INTS1: variants seen among roughly 807,000 people sequenced by gnomAD.
The protein encoded by INTS1 is integrator complex subunit 1.
INTS1 carries 137 observed loss-of-function variants against 241.6 expected under a neutral mutation model. That is an observed-to-expected ratio of 0.57 (90% CI 0.49 to 0.65). The LOEUF is 0.65. INTS1 is among the 30% of genes least tolerant of loss of function. The pLI is 0.00. For synonymous variants in INTS1, 1,692 were observed against 1,337.8 expected (o/e 1.26, Z -5.78); for missense variants, 3,073 against 3,032.2 (o/e 1.01, Z -0.32).
rs138397380 is a variant in INTS1 at position 1,473,172 on chromosome 7, G to A, written c.5970C>T (p.Phe1990=). 9.9e-6 allele frequency: 16 copies of A among 1,610,736 alleles called. No homozygotes were observed. The highest frequency in any genetic ancestry group is 2.7e-5 in the African/African-American group (2 of 74,910). The change falls in exon 43 of 48, where the codon TTC becomes TTT. Residue 1990 remains phenylalanine, a synonymous_variant. Transcript: ENST00000404767. ...KHADPLHDLS[F]DNSDLVMLKS... is the part of the protein sequence containing the mutation. ...TCAGCATCACCAGGTCACTGTTGTCGAAGGACAGGTCGCTGGGGAGAGAAG... is the reference window on the plus strand; with the variant it reads ...TCAGCATCACCAGGTCACTGTTGTCAAAGGACAGGTCGCTGGGGAGAGAAG...
In INTS1 at chr7:1,493,045, G is replaced by A. The variant is rs371456297; in HGVS notation, c.2130C>T (p.Thr710=). Reference sequence around the variant, plus strand: ...GCTGGATGTTTTCAGGGTGATGGTAGGTGCACAGATTCAGAACGGCGTCGA... The same window carrying A: ...GCTGGATGTTTTCAGGGTGATGGTAAGTGCACAGATTCAGAACGGCGTCGA... ...QLIDAVLNLC[T]YHHPENIQLP... is the part of the protein sequence containing the mutation. Residue 710 remains threonine (T), a synonymous_variant, in exon 16 of 48, where the codon ACC becomes ACT. Coordinates refer to ENST00000404767, the MANE Select transcript of INTS1 (RefSeq NM_001080453.3). This position sits in a 1 kb window ranked among gnomAD's most constrained non-coding sequence, Gnocchi z 5.3. 41 of 1,613,556 alleles carry A rather than the reference G, an allele frequency of 2.5e-5. No individual in the cohort carries two copies. The highest frequency in any genetic ancestry group is 3.5e-5 in the Non-Finnish European group (41 of 1,179,614).
At position 1,483,746 on chromosome 7, in the gene INTS1, A is replaced by G; in HGVS notation, c.3537T>C (p.Pro1179=). ...CCGGGGCCTGTGGCGGCTCACCTCG[A>G]GGCGGGCCCAGCGTCAGCAGGATCA... The part of the protein sequence containing the change: ...AMVILLTLGP[P]RADDSEFQAL... The change falls in exon 26 of 48, where the codon CCT becomes CCC. Residue 1179 remains proline (P), a synonymous_variant. Transcript: ENST00000404767. 1 of 1,609,890 alleles carries G rather than the reference A, an allele frequency of 6.2e-7. No individual in the cohort carries two copies. The highest frequency in any genetic ancestry group is 8.5e-7 in the Non-Finnish European group (1 of 1,179,410).
intron 18 of INTS1, 130 bp downstream of exon 18, chr7:1,489,214 A>G (rs923826198): frequency 7.7e-6 from 1 of 130,570 alleles, no homozygotes; most frequent in Non-Finnish European, 1.1e-5. Flanking sequence ...GCTCAGGTCC[A>G]TGAGTCAACA....
In INTS1 at chr7:1,504,021, C is replaced by A. The variant is rs1277523800; in HGVS notation, c.-41-20G>T. 3.9e-6 allele frequency: 5 copies of A among 1,273,022 alleles called. No individual in the cohort carries two copies. The highest frequency in any genetic ancestry group is 5.5e-6 in the Non-Finnish European group (5 of 910,408). 78.9% of individuals were successfully genotyped at this position (1,273,022 alleles called of 1,614,324 possible). On this transcript the variant is annotated intron_variant, in intron 1 of 47. Coordinates refer to ENST00000404767, the MANE Select transcript of INTS1 (RefSeq NM_001080453.3). ...CGTCACCTGCGGAGGAGCCAGCGTGCGGTCATTCCTTCACTCATTCGCTCG... is the reference window on the plus strand; with the variant it reads ...CGTCACCTGCGGAGGAGCCAGCGTGAGGTCATTCCTTCACTCATTCGCTCG...
At chr7:1,487,165 C>CG in intron 20 of INTS1, 64 bp from the exon 21 acceptor site, 1 of 1,521,854 alleles carries the variant, frequency 6.6e-7, no homozygotes, top group South Asian at 1.2e-5. Flanking sequence ...GCCAGCCCCC[C>CG]GGGTGACCGC....
chr7:1,494,153 TACAC>T (rs1389569831), intron 14 of INTS1, among the ~76,000 whole-genome samples: 1 of 152,134 alleles, frequency 6.6e-6, no homozygotes, highest in Admixed American at 6.5e-5. Context: ...CCTTTGGGGA[TACAC>T]ACACAGTCAC....
At chr7:1,476,951 A>T in intron 35 of INTS1, 33 bp from the exon 36 acceptor site, 1 of 1,592,862 alleles carries the variant, frequency 6.3e-7, no homozygotes. Context: ...GGATGGCCTC[A>T]CCTGGGCCAA....
At position 1,481,304 on chromosome 7, in the gene INTS1, CGT is replaced by C. The variant is rs1369481288; in HGVS notation, c.3850+36_3850+37del. 1.1e-5 allele frequency: 17 copies of C among 1,610,516 alleles called. No individual in the cohort carries two copies. The highest frequency in any genetic ancestry group is 2.2e-5 in the East Asian group (1 of 44,836). On this transcript the variant is annotated intron_variant, in intron 28 of 47. Transcript: ENST00000404767. This position sits in a 1 kb window ranked among gnomAD's most constrained non-coding sequence, Gnocchi z 6.8. ...CCTGGCCGGGCTGGGGCTCGGTCAG[CGT>C]GTGTGAACCCACTCCGCAGGTCCCT...
intron 35 of INTS1, among the ~76,000 whole-genome samples, 190 bp from the exon 36 acceptor site, chr7:1,477,108 A>G (rs1251304938): frequency 6.6e-6 from 1 of 152,064 alleles, no homozygotes; most frequent in Non-Finnish European, 1.5e-5. Flanking sequence ...GCCCCTTCCC[A>G]CGGGAGCCAT....
Position 1,474,819 on chromosome 7 carries a change from C to G in INTS1, c.5522G>C (p.Arg1841Pro). ...GGTGTCCGCAAGGAGCGTGATGAAG[C>G]GGTGGATGAGTCCGTCCAGCTGCAG... ...SVCKLDGLIH[R>P]FITLLADTSD... The change falls in exon 40 of 48, where the codon CGC becomes CCC. Residue 1841 changes from arginine (R) to proline (P), a missense_variant. Coordinates refer to ENST00000404767, the MANE Select transcript of INTS1 (RefSeq NM_001080453.3). 1 of 1,590,308 alleles carries G rather than the reference C, an allele frequency of 6.3e-7. No individual in the cohort carries two copies. Among genetic ancestry groups the G allele is most frequent in the Non-Finnish European group, 8.5e-7 (1 of 1,170,928 alleles).
rs537151147 is a variant in INTS1 at position 1,480,829 on chromosome 7, C to A, written c.3949+6G>T. On this transcript the variant is annotated splice_donor_region_variant and intron_variant, in intron 29 of 47. Coordinates refer to ENST00000404767, the MANE Select transcript of INTS1 (RefSeq NM_001080453.3). ...TCTCTGTGCTGGCCCCACCCCTCCC[C>A]AGTACCTCGGCGGGGCGGCAGGGAG... 258 of 1,549,360 alleles carry A rather than the reference C, an allele frequency of 1.7e-4. No individual in the cohort carries two copies. Among genetic ancestry groups the A allele is most frequent in the Non-Finnish European group, 2.2e-4 (250 of 1,147,046 alleles).
In INTS1 at chr7:1,477,866, A is replaced by G. The variant is rs1037784030; in HGVS notation, c.4701T>C (p.Thr1567=). 1 of 1,612,612 alleles carries G rather than the reference A, an allele frequency of 6.2e-7. No individual in the cohort carries two copies. The highest frequency in any genetic ancestry group is 1.3e-5 in the African/African-American group (1 of 75,068). Residue 1567 remains threonine (T), a synonymous_variant, in exon 34 of 48, where the codon ACT becomes ACC. Coordinates refer to ENST00000404767, the MANE Select transcript of INTS1 (RefSeq NM_001080453.3). The part of the protein sequence containing the change: ...EELLTAFFSA[T]ADAASPFPAC... ...CTGGAAACGGGGAGGCAGCATCCGC[A>G]GTGGCAGAGAAGAATGCAGTCAGCA...
Position 1,471,600 on chromosome 7 carries a change from GC to G in INTS1, c.6225del (p.Arg2076GlyfsTer6), listed in dbSNP as rs1781471371. The G allele has an allele frequency of 6.2e-7, 1 of 1,612,212 alleles. No homozygotes were observed. The highest frequency in any genetic ancestry group is 1.3e-5 in the African/African-American group (1 of 74,896). On this transcript the variant is annotated frameshift_variant, in exon 45 of 48. Transcript: ENST00000404767. LOFTEE classifies it high-confidence loss of function. ...EVLSDIDEMSRRRPEILSFFS... is the reference protein window; with the variant it reads ...EVLSDIDEMSXRRPEILSFFS... The stretch of plus-strand genomic sequence containing the variant: ...AAGAAGCTCAGGATCTCGGGTCTCC[GC>G]CGGGACATCTCGTCTATGTCACTCA...
At position 1,470,339 on chromosome 7, in the gene INTS1, G is replaced by A. The variant is rs998120546; in HGVS notation, c.*238C>T. The stretch of plus-strand genomic sequence containing the variant: ...CATGCCCGGGGGGATCCGCCGCTCC[G>A]CGGCAGGGCTGTGGCCCAGAAGGTG... On this transcript the variant is annotated 3_prime_UTR_variant, in exon 48 of 48. Transcript: ENST00000404767. 6 of 471,124 alleles carry A rather than the reference G, an allele frequency of 1.3e-5. No homozygotes were observed. The highest frequency in any genetic ancestry group is 7.8e-5 in the South Asian group (2 of 25,512). 29.2% of individuals were successfully genotyped at this position (471,124 alleles called of 1,614,324 possible). A position where few individuals can be genotyped will look rare whatever the true frequency, so the allele number is the denominator to read the frequency against.
rs553029532 is a variant in INTS1 at position 1,497,514 on chromosome 7, G to A, written c.1426-200C>T. Among the ~76,000 whole-genome samples the A allele has an allele frequency of 6.6e-6, 1 of 152,298 alleles. No homozygotes were observed. The highest frequency in any genetic ancestry group is 1.5e-5 in the Non-Finnish European group (1 of 68,034). Reference sequence around the variant, plus strand: ...GGGATCACATCTGATTCCCCTCTCTGAGAACCGGCAGGTGGGGAGTCGGTC... The same window carrying A: ...GGGATCACATCTGATTCCCCTCTCTAAGAACCGGCAGGTGGGGAGTCGGTC... On this transcript the variant is annotated intron_variant, in intron 10 of 47. Coordinates refer to ENST00000404767, the MANE Select transcript of INTS1 (RefSeq NM_001080453.3). This position sits in a 1 kb window ranked among gnomAD's most constrained non-coding sequence, Gnocchi z 5.3.
chr7:1,492,419 G>A (rs1304291791), intron 16 of INTS1, among the ~76,000 whole-genome samples: 2 of 152,212 alleles, frequency 1.3e-5, no homozygotes, highest in Non-Finnish European at 2.9e-5. Flanking sequence ...CAGGTGAGCA[G>A]CTGCGTGGGC....
chr7:1,476,657 C>T lies in INTS1; in HGVS notation c.5064G>A (p.Arg1688=). ...AGTCCAGAGAGGCAGAGGGGTCGAA[C>T]CTGTGGGGAGGCAAAGGTTCCAGAG... is the stretch of plus-strand genomic sequence containing the variant. The part of the protein sequence containing the change: ...RVLLGKSREQ[R]FDPSASLDFL... Residue 1688 remains arginine, a splice_region_variant and synonymous_variant, in exon 37 of 48, where the codon AGG becomes AGA. Coordinates refer to ENST00000404767, the MANE Select transcript of INTS1 (RefSeq NM_001080453.3). The T allele has an allele frequency of 1.2e-6, 2 of 1,612,682 alleles. No homozygotes were observed. Among genetic ancestry groups the T allele is most frequent in the Non-Finnish European group, 1.7e-6 (2 of 1,179,880 alleles).
Position 1,499,246 on chromosome 7 carries a change from C to T in INTS1, c.950+9G>A, listed in dbSNP as rs773730905. 8.1e-6 allele frequency: 13 copies of T among 1,608,706 alleles called. No homozygotes were observed. The highest frequency in any genetic ancestry group is 4.0e-5 in the African/African-American group (3 of 74,886). ...GCCCCCAACTGGGACCGGGCAGGCA[C>T]GCAGCTACCTGGGCATGAGCTGGCC... On this transcript the variant is annotated intron_variant, in intron 7 of 47. Transcript: ENST00000404767.
rs1372747182 is a variant in INTS1, at chr7:1,481,146, G to C, written c.3850+196C>G. ...TAGGGGGTGCCTGGCCCCAGGGTTG[G>C]GGCAGGCCCAGGCCTCGGCTCCCTC... On this transcript the variant is annotated intron_variant, in intron 28 of 47. Transcript: ENST00000404767. This position sits in a 1 kb window ranked among gnomAD's most constrained non-coding sequence, Gnocchi z 6.8. The C allele has an allele frequency of 2.7e-6, 2 of 752,718 alleles. No homozygotes were observed. The highest frequency in any genetic ancestry group is 1.6e-5 in the South Asian group (1 of 62,046). 46.6% of individuals were successfully genotyped at this position (752,718 alleles called of 1,614,324 possible).
Sources: allele counts gnomAD v4.1 joint callset (sites outside exome capture counted in the v4.1 genomes callset), GRCh38; gene constraint gnomAD v4.1.1; non-coding constraint Gnocchi (gnomAD v3.1); transcripts MANE v1.5; gene names NCBI Gene and HGNC (gene_info 2026-07-23, HGNC 2026-07-21).